The following FLT1 variants were observed in gnomAD, a reference collection of about 807,000 sequenced individuals.
FLT1 encodes the protein fms related receptor tyrosine kinase 1, also known as vascular endothelial growth factor receptor 1.
In FLT1, 49 loss-of-function variants were observed where a neutral mutation model predicts 156.3. That is an observed-to-expected ratio of 0.31 (90% confidence interval 0.25 to 0.40). The LOEUF (loss-of-function observed/expected upper bound fraction) is 0.40. Ranked by LOEUF, FLT1 falls within the 10% of genes least tolerant of loss-of-function variation. FLT1 has a pLI of 1.00. For synonymous variants in FLT1, 594 were observed against 583.8 expected (o/e 1.02, Z -0.25); for missense variants, 1,322 against 1,637.2 (o/e 0.81, Z 3.32).
At chr13:28,323,180 A>AAC (rs1871541730) in intron 20 of FLT1, among the ~76,000 whole-genome samples, 2 of 152,114 alleles carry the variant, frequency 1.3e-5, no homozygotes, top group African/African-American at 4.8e-5. Context: ...CAGATAAAAA[A>AAC]AAAAAATTAA....
chr13:28,442,704 A>C (rs888546286), intron 3 of FLT1, among the ~76,000 whole-genome samples: 33 of 140,280 alleles, frequency 2.4e-4, no homozygotes, highest in African/African-American at 8.9e-4. Flanking sequence ...CTGTAGATAC[A>C]CACACACACA....
intron 1 of FLT1, among the ~76,000 whole-genome samples, chr13:28,489,100 C>T (rs1040628310): frequency 2.6e-5 from 4 of 152,140 alleles, no homozygotes; most frequent in South Asian, 2.1e-4. Flanking sequence ...GAGGGGAGGA[C>T]ATGAGACAGT....
intron 14 of FLT1, among the ~76,000 whole-genome samples, chr13:28,365,204 T>C (rs1418368859): frequency 1.3e-5 from 2 of 152,232 alleles, no homozygotes; most frequent in Non-Finnish European, 2.9e-5. Flanking sequence ...ATTTTCTCTT[T>C]AAATATCATG....
intron 17 of FLT1, among the ~76,000 whole-genome samples, chr13:28,336,693 C>T (rs1297293691): frequency 6.7e-6 from 1 of 149,428 alleles, no homozygotes; most frequent in East Asian, 2.0e-4. Flanking sequence ...GTAATTCTGA[C>T]TTTTGATTAT....
chr13:28,394,372 T>G (rs561659035), intron 12 of FLT1, among the ~76,000 whole-genome samples: 69 of 152,242 alleles, frequency 4.5e-4, no homozygotes, highest in African/African-American at 1.6e-3. Context: ...GGATAAGCCT[T>G]GGGATCTAGA....
intron 1 of FLT1, among the ~76,000 whole-genome samples, chr13:28,484,716 TCTC>T (rs1465570853): frequency 6.6e-6 from 1 of 152,020 alleles, no homozygotes; most frequent in African/African-American, 2.4e-5. Flanking sequence ...GCTTTTTCCT[TCTC>T]CTCTTTTCAT....
chr13:28,364,271 G>A (rs770704573), intron 14 of FLT1, among the ~76,000 whole-genome samples: 10 of 152,104 alleles, frequency 6.6e-5, no homozygotes, highest in Non-Finnish European at 1.5e-4. Context: ...GGACTGCAGT[G>A]GCAAGATCAT....
At chr13:28,437,594 G>T (rs1323074836) in intron 4 of FLT1, among the ~76,000 whole-genome samples, 5 of 152,140 alleles carry the variant, frequency 3.3e-5, no homozygotes, top group African/African-American at 1.2e-4. Context: ...AATGTCATAG[G>T]TTTAGTTTTT....
chr13:28,334,777 A>G (rs1345925940), intron 17 of FLT1, among the ~76,000 whole-genome samples: 1 of 152,190 alleles, frequency 6.6e-6, no homozygotes, highest in Non-Finnish European at 1.5e-5. Context: ...TAAATGCAAT[A>G]ACTAAGCAAG....
intron 14 of FLT1, among the ~76,000 whole-genome samples, chr13:28,365,616 T>C (rs1474341973): frequency 6.6e-6 from 1 of 152,168 alleles, no homozygotes; most frequent in Non-Finnish European, 1.5e-5. Context: ...CCTCCCAAAA[T>C]GCTGGGATTA....
rs1202330307 is a variant in FLT1 at position 28,386,819 on chromosome 13, C to T, written c.1970-1788G>A. On this transcript the variant is annotated intron_variant, in intron 13 of 29. Coordinates refer to ENST00000282397, the MANE Select transcript of FLT1 (RefSeq NM_002019.4). ...TATTATTTAGTCGCTTTTACAGTGG[C>T]AAGCCAATTTTGAAATATCTCATTT... 4.8e-6 allele frequency: 5 copies of T among 1,051,840 alleles called. No homozygotes were observed. In the African/African-American group the frequency reaches 6.6e-5, roughly 14 times the overall value. The allele number at this position is 1,051,840 out of a possible 1,614,324, so 65.2% of individuals were successfully genotyped here. A position where few individuals can be genotyped will look rare whatever the true frequency, so the allele number is the denominator to read the frequency against.
intron 1 of FLT1, among the ~76,000 whole-genome samples, chr13:28,473,606 T>C (rs965559791): frequency 3.4e-5 from 5 of 145,630 alleles, no homozygotes; most frequent in African/African-American, 7.7e-5. Flanking sequence ...GACTGCGCAA[T>C]TGCACTCCAG....
chr13:28,317,078 T>TGGTCACAAGACC, intron 25 of FLT1, among the ~76,000 whole-genome samples: 1 of 152,370 alleles, frequency 6.6e-6, no homozygotes, highest in Non-Finnish European at 1.5e-5. Flanking sequence ...GACACAGGAC[T>TGGTCACAAGACC]GGTCACAAGA....
chr13:28,427,318 A>G lies in FLT1; in HGVS notation c.1277T>C (p.Val426Ala), dbSNP rs757468777. 16 of 1,613,844 alleles carry G rather than the reference A, an allele frequency of 9.9e-6. No individual in the cohort carries two copies. In the Admixed American group the frequency reaches 2.3e-4, roughly 24 times the overall value. Reference protein sequence around the residue: ...KNLTATLIVNVKPQIYEKAVS... With the variant: ...KNLTATLIVNAKPQIYEKAVS... ...GGCCTTTTCGTAAATCTGGGGTTTC[A>G]CTGGAAAGGAGATGAAGAACGGGAC... The change falls in exon 10 of 30, where the codon GTG becomes GCG. Residue 426 changes from valine (V) to alanine (A), a missense_variant and splice_region_variant. By Grantham distance (64) the Val-to-Ala change is moderately conservative. This residue lies in a region of FLT1 where 991 missense variants were observed against 1,254.8 expected (regional missense o/e 0.79). Coordinates refer to ENST00000282397, the MANE Select transcript of FLT1 (RefSeq NM_002019.4).
Position 28,374,413 on chromosome 13 carries a change from TCAAAAAACAAA to T in FLT1, c.2116+10461_2116+10471del, listed in dbSNP as rs201187139. ...CTGGGAAACAGAGCAAGACCATGTC[TCAAAAAACAAA>T]CAAAAAACAAAACAAAATATAAAGA... On this transcript the variant is annotated intron_variant, in intron 14 of 29. Coordinates refer to ENST00000282397, the MANE Select transcript of FLT1 (RefSeq NM_002019.4). Among the ~76,000 whole-genome samples the T allele has an allele frequency of 7.7e-3, 1,169 of 151,700 alleles. 19 individuals carry two copies. Among genetic ancestry groups the T allele is most frequent in the African/African-American group, 0.027 (1,104 of 41,384 alleles).
At chr13:28,448,738 G>A (rs11841867) in intron 3 of FLT1, among the ~76,000 whole-genome samples, 9,554 of 152,248 alleles carry the variant, frequency 0.063, 345 homozygotes, top group South Asian at 0.11. Context: ...TTAAATGGGT[G>A]TGGTATGTAA....
chr13:28,396,609 A>G (rs1875060848), intron 12 of FLT1, among the ~76,000 whole-genome samples: 1 of 152,198 alleles, frequency 6.6e-6, no homozygotes, highest in Non-Finnish European at 1.5e-5. Flanking sequence ...TCATCATATT[A>G]TATGCATTAT....
chr13:28,318,329 G>T (rs1426102689), intron 24 of FLT1, among the ~76,000 whole-genome samples: 3 of 152,040 alleles, frequency 2.0e-5, no homozygotes, highest in Non-Finnish European at 4.4e-5. Flanking sequence ...GGCTGCCCGT[G>T]GCCAGGAGTC....
chr13:28,464,205 G>A (rs1879734218), intron 3 of FLT1, among the ~76,000 whole-genome samples: 1 of 152,112 alleles, frequency 6.6e-6, no homozygotes, highest in Admixed American at 6.5e-5. Context: ...AATAATCTAT[G>A]AAATACAACG....
Sources: allele counts gnomAD v4.1 joint callset (sites outside exome capture counted in the v4.1 genomes callset), GRCh38; gene constraint gnomAD v4.1.1; regional missense constraint gnomAD v4.1.1; transcripts MANE v1.5; gene names NCBI Gene and HGNC (gene_info 2026-07-23, HGNC 2026-07-21).